The following AGMO variants were observed in gnomAD, a reference collection of about 807,000 sequenced individuals.
AGMO encodes the protein alkylglycerol monooxygenase.
Under a neutral mutation model 60.2 loss-of-function variants are expected in AGMO, and 75 were observed. That is an observed-to-expected ratio of 1.25 (90% CI 1.03 to 1.51). The LOEUF (loss-of-function observed/expected upper bound fraction) is 1.51. Ranked by LOEUF, AGMO falls within the 40% of genes most tolerant of loss-of-function variation. The pLI, the probability that AGMO is intolerant of heterozygous loss-of-function variation, is 0.00. For synonymous variants in AGMO, 261 were observed against 177.1 expected (o/e 1.47, Z -3.76); for missense variants, 763 against 525.5 (o/e 1.45, Z -4.42).
intron 12 of AGMO, among the ~76,000 whole-genome samples, chr7:15,204,895 G>A (rs534538620): frequency 2.7e-4 from 41 of 152,242 alleles, no homozygotes; most frequent in African/African-American, 8.9e-4. Flanking sequence ...GTCTTGCTAT[G>A]TTGCCCAAAC....
At chr7:15,239,372 A>G (rs1782521972) in intron 12 of AGMO, among the ~76,000 whole-genome samples, 1 of 152,152 alleles carries the variant, frequency 6.6e-6, no homozygotes, top group Admixed American at 6.5e-5. Flanking sequence ...TTGATTGGGA[A>G]GTTCCTGTTA....
At chr7:15,161,344 T>C in the AGMO span, among the ~76,000 whole-genome samples, 2 of 152,096 alleles carry the variant, frequency 1.3e-5, no homozygotes, top group Admixed American at 6.6e-5. Context: ...TGCCTGCAGA[T>C]GGCCTTTAGA....
chr7:15,341,655 A>G (rs1189734114), intron 12 of AGMO, among the ~76,000 whole-genome samples: 1 of 152,158 alleles, frequency 6.6e-6, no homozygotes, highest in African/African-American at 2.4e-5. Context: ...ACTACCCAGT[A>G]CCAATTTACT....
intron 3 of AGMO, among the ~76,000 whole-genome samples, chr7:15,518,804 A>G (rs1441492263): frequency 6.6e-6 from 1 of 152,002 alleles, no homozygotes; most frequent in Non-Finnish European, 1.5e-5. Flanking sequence ...ACAAAACTGG[A>G]TGGAGAATGA....
rs542243857 is a variant in AGMO at position 15,476,047 on chromosome 7, A to C, written c.410-44939T>G. ...GCTGGGTCTGGTTTAAATTGGACTC[A>C]AGACAAAATTTTTGGATGAGTAAGC... is the stretch of plus-strand genomic sequence containing the variant. On this transcript the variant is annotated intron_variant, in intron 3 of 12. Coordinates refer to ENST00000342526, the MANE Select transcript of AGMO (RefSeq NM_001004320.2). Among the ~76,000 whole-genome samples, 3 of 152,212 alleles carry C rather than the reference A, an allele frequency of 2.0e-5. No homozygotes were observed. The South Asian group carries it at 6.2e-4, about 32-fold the overall frequency.
rs1033785181 is a variant in AGMO at position 15,241,866 on chromosome 7, T to A, written c.1264-40507A>T. 2.3e-4 allele frequency among the ~76,000 whole-genome samples: 35 copies of A among 152,296 alleles called. 1 individual carries two copies. The highest frequency in any genetic ancestry group is 8.2e-4 in the African/African-American group (34 of 41,544). ...CTGTAGGCTCTGAGGAAGAATCAGCTTCTAAGCTCATTCAGTTTTTGGAAG... is the reference window on the plus strand; with the variant it reads ...CTGTAGGCTCTGAGGAAGAATCAGCATCTAAGCTCATTCAGTTTTTGGAAG... On this transcript the variant is annotated intron_variant, in intron 12 of 12. Transcript: ENST00000342526.
At position 15,242,790 on chromosome 7, in the gene AGMO, T is replaced by C. The variant is rs191803594; in HGVS notation, c.1264-41431A>G. ...TAATATACAAAATATAAAATAAATA[T>C]GTGAAACAATGTCACCTGATAATTA... On this transcript the variant is annotated intron_variant, in intron 12 of 12. Coordinates refer to ENST00000342526, the MANE Select transcript of AGMO (RefSeq NM_001004320.2). Among the ~76,000 whole-genome samples, 5 of 152,202 alleles carry C rather than the reference T, an allele frequency of 3.3e-5. No individual in the cohort carries two copies. The East Asian group carries it at 9.6e-4, about 29-fold the overall frequency.
At chr7:15,483,382 C>G (rs539455759) in intron 3 of AGMO, among the ~76,000 whole-genome samples, 1 of 150,850 alleles carries the variant, frequency 6.6e-6, no homozygotes, top group African/African-American at 2.4e-5. Flanking sequence ...CTGGCTAACA[C>G]GGTGAAACCC....
At chr7:15,461,947 T>C (rs1372080368) in intron 3 of AGMO, among the ~76,000 whole-genome samples, 2 of 152,186 alleles carry the variant, frequency 1.3e-5, no homozygotes, top group Non-Finnish European at 2.9e-5. Context: ...TTTTCCTTAT[T>C]TATATACCAC....
intron 12 of AGMO, among the ~76,000 whole-genome samples, chr7:15,205,423 C>T (rs1004074517): frequency 6.6e-6 from 1 of 152,032 alleles, no homozygotes; most frequent in Non-Finnish European, 1.5e-5. Context: ...TTTTTGGTCT[C>T]CCAAACATGT....
intron 12 of AGMO, among the ~76,000 whole-genome samples, chr7:15,238,280 T>C (rs1357879747): frequency 1.3e-5 from 2 of 152,038 alleles, no homozygotes; most frequent in Non-Finnish European, 2.9e-5. Context: ...CAATTATTTA[T>C]ATTAGGAATT....
the AGMO span, among the ~76,000 whole-genome samples, chr7:15,119,270 T>A: frequency 6.6e-6 from 1 of 151,944 alleles, no homozygotes; most frequent in Non-Finnish European, 1.5e-5. Flanking sequence ...CTGCCATGAT[T>A]GAAAGCTTCC....
At chr7:15,430,605 A>T (rs1346520317) in intron 4 of AGMO, among the ~76,000 whole-genome samples, 7 of 122,500 alleles carry the variant, frequency 5.7e-5, no homozygotes, top group East Asian at 2.1e-4. Flanking sequence ...GTTTTTTTTA[A>T]AAAAAAAAAA....
intron 12 of AGMO, among the ~76,000 whole-genome samples, chr7:15,281,378 G>C (rs529951175): frequency 2.0e-5 from 3 of 152,172 alleles, no homozygotes; most frequent in African/African-American, 7.2e-5. Flanking sequence ...AATACTTCAG[G>C]GTGTGGCTGC....
intron 3 of AGMO, among the ~76,000 whole-genome samples, chr7:15,486,600 C>T (rs1309445711): frequency 1.3e-5 from 2 of 151,990 alleles, no homozygotes; most frequent in African/African-American, 2.4e-5. Flanking sequence ...GAAATAGTAC[C>T]ATAATTAAGA....
At chr7:15,344,560 T>A (rs1781967474) in intron 12 of AGMO, among the ~76,000 whole-genome samples, 1 of 151,908 alleles carries the variant, frequency 6.6e-6, no homozygotes, top group South Asian at 2.1e-4. Flanking sequence ...TAGCCAGGCA[T>A]CCTGGTGCAC....
chr7:15,147,870 G>A, the AGMO span, among the ~76,000 whole-genome samples: 3 of 152,110 alleles, frequency 2.0e-5, no homozygotes, highest in Non-Finnish European at 2.9e-5. Context: ...ATCATGTCTT[G>A]ATTTGGAGAT....
chr7:15,132,204 T>C, the AGMO span, among the ~76,000 whole-genome samples: 2 of 152,116 alleles, frequency 1.3e-5, no homozygotes, highest in Non-Finnish European at 2.9e-5. Flanking sequence ...TAGAGGAGTA[T>C]AAAAAGTGTT....
rs536054520 is a variant in AGMO at position 15,277,175 on chromosome 7, G to C, written c.1264-75816C>G. On this transcript the variant is annotated intron_variant, in intron 12 of 12. Transcript: ENST00000342526. ...ATACAACAATTAGGTGGGCATGGTG[G>C]TGGGTGCCTGTAAACCCAGCTAGTC... is the stretch of plus-strand genomic sequence containing the variant. Among the ~76,000 whole-genome samples, 38 of 152,124 alleles carry C rather than the reference G, an allele frequency of 2.5e-4. 1 individual carries two copies. Among genetic ancestry groups the C allele is most frequent in the African/African-American group, 8.9e-4 (37 of 41,502 alleles).
Sources: gnomAD v4.1 joint callset for allele counts (sites outside exome capture counted in the v4.1 genomes callset) on GRCh38, gnomAD v4.1.1 for gene constraint, MANE v1.5 for transcripts, NCBI Gene and HGNC (gene_info 2026-07-23, HGNC 2026-07-21) for gene names.